Variants in ARHGEF3 observed in about 807,000 individuals in gnomAD.
ARHGEF3 encodes 59.8 kDA protein.
ARHGEF3 carries 28 observed loss-of-function variants against 63.2 expected under a neutral mutation model. That is an observed-to-expected ratio of 0.44 (90% confidence interval 0.33 to 0.61). The LOEUF (loss-of-function observed/expected upper bound fraction) is 0.61, where lower values mean the gene tolerates loss of function less well. ARHGEF3 is among the 20% of genes least tolerant of loss of function. The pLI is 0.03. For missense variants in ARHGEF3, 533 were observed against 659.3 expected (o/e 0.81, Z 2.10); for synonymous variants, 266 against 254.2 (o/e 1.05, Z -0.44).
chr3:56,889,289 C>T (rs1467004270), intron 3 of ARHGEF3, among the ~76,000 whole-genome samples: 2 of 152,172 alleles, frequency 1.3e-5, no homozygotes, highest in Non-Finnish European at 1.5e-5. Context: ...TGATCCTATC[C>T]TTACCCGACA....
chr3:56,912,875 C>G (rs775412346), intron 3 of ARHGEF3, among the ~76,000 whole-genome samples: 15 of 152,122 alleles, frequency 9.9e-5, no homozygotes, highest in African/African-American at 3.6e-4. Context: ...CAGTGGCCTG[C>G]GTCTATAATC....
rs140453243 is a variant in ARHGEF3, at chr3:57,069,080, G to A, written c.-28+10146C>T. Reference sequence around the variant, plus strand: ...TGGGATTACAGGCACTCACCACCACGTCTGGATAATTTTTGTATTTTTAGC... The same window carrying A: ...TGGGATTACAGGCACTCACCACCACATCTGGATAATTTTTGTATTTTTAGC... On this transcript the variant is annotated intron_variant, in intron 1 of 12. Transcript: ENST00000338458. 2.3e-3 allele frequency among the ~76,000 whole-genome samples: 351 copies of A among 152,014 alleles called. 2 individuals carry two copies. The highest frequency in any genetic ancestry group is 3.7e-3 in the Non-Finnish European group (252 of 67,980).
intron 1 of ARHGEF3, among the ~76,000 whole-genome samples, chr3:56,793,164 C>A (rs1256806026): frequency 6.9e-6 from 1 of 144,834 alleles, no homozygotes; most frequent in African/African-American, 2.5e-5. Context: ...CCACCAGGCC[C>A]AGATAATTTT....
chr3:56,859,262 C>T (rs112158350), intron 4 of ARHGEF3, among the ~76,000 whole-genome samples: 18 of 152,020 alleles, frequency 1.2e-4, no homozygotes, highest in Non-Finnish European at 1.8e-4. Flanking sequence ...CTCAGCCTCC[C>T]GAGTAGCTGG....
At chr3:56,760,210 A>G (rs1181670868) in intron 2 of ARHGEF3, among the ~76,000 whole-genome samples, 1 of 152,206 alleles carries the variant, frequency 6.6e-6, no homozygotes, top group Non-Finnish European at 1.5e-5. Context: ...TGACCTCCAA[A>G]TAGGCTATTC....
At chr3:57,010,850 C>A (rs74995887) in intron 2 of ARHGEF3, among the ~76,000 whole-genome samples, 1 of 152,114 alleles carries the variant, frequency 6.6e-6, no homozygotes, top group African/African-American at 2.4e-5. Context: ...ACATTTGGAC[C>A]CTTGTTCATC....
chr3:56,759,279 A>T (rs1246546268), intron 2 of ARHGEF3, among the ~76,000 whole-genome samples: 1 of 148,838 alleles, frequency 6.7e-6, no homozygotes, highest in Non-Finnish European at 1.5e-5. Context: ...TTGGGTTCAC[A>T]CCATTCTCCT....
chr3:56,950,007 C>T (rs1699721466), intron 3 of ARHGEF3, among the ~76,000 whole-genome samples: 1 of 151,968 alleles, frequency 6.6e-6, no homozygotes, highest in Non-Finnish European at 1.5e-5. Flanking sequence ...CTTTGACAAA[C>T]CTGACAAAAA....
chr3:56,888,103 CTTTTT>C (rs3034853), intron 3 of ARHGEF3, among the ~76,000 whole-genome samples: 1 of 142,970 alleles, frequency 7.0e-6, no homozygotes, highest in African/African-American at 2.6e-5. Flanking sequence ...CAAATAAGAG[CTTTTT>C]TTTTTTTTTT....
chr3:56,773,739 C>G lies in ARHGEF3; in HGVS notation c.174G>C (p.Thr58=), dbSNP rs769774704. 1.3e-6 allele frequency: 2 copies of G among 1,594,984 alleles called. No individual in the cohort carries two copies. Among genetic ancestry groups the G allele is most frequent in the Admixed American group, 3.7e-5 (2 of 54,750 alleles). ...GGGTTTGACTGAAGCGCTTTAATGG[C>G]GTGGCCTTCACGGGCGGGATGAGGT... The part of the protein sequence containing the change: ...LANLIPPVKA[T]PLKRFSQTLQ... The change falls in exon 2 of 10, where the codon ACG becomes ACC. Residue 58 remains threonine (T), a synonymous_variant. Transcript: ENST00000296315.
intron 4 of ARHGEF3, among the ~76,000 whole-genome samples, chr3:56,825,221 G>A (rs114579244): frequency 0.016 from 2,375 of 152,324 alleles, 30 homozygotes; most frequent in South Asian, 0.03. Context: ...CATGGTAAAC[G>A]TCAGCTAATA....
intron 1 of ARHGEF3, among the ~76,000 whole-genome samples, chr3:57,043,177 G>A (rs1023901370): frequency 2.8e-4 from 43 of 151,266 alleles, no homozygotes; most frequent in African/African-American, 9.0e-4. Context: ...GTGCAGTGGC[G>A]CGATCTCAGC....
At position 56,864,198 on chromosome 3, in the gene ARHGEF3, G is replaced by A. The variant is rs371224415; in HGVS notation, c.192+18094C>T. 6.6e-4 allele frequency among the ~76,000 whole-genome samples: 101 copies of A among 152,324 alleles called. 2 individuals are homozygous for A. In the South Asian group the frequency reaches 0.018, roughly 28 times the overall value. ...TCCTAGTGACTCCATACTGTTCTTA[G>A]TATAAAGATGCAAATCTTGGGCATA... On this transcript the variant is annotated intron_variant, in intron 4 of 12. Transcript: ENST00000338458.
intron 1 of ARHGEF3, among the ~76,000 whole-genome samples, chr3:57,053,515 TG>T (rs1340253238): frequency 1.3e-5 from 2 of 152,200 alleles, no homozygotes; most frequent in Admixed American, 6.5e-5. Context: ...TAAAGTAGTT[TG>T]CAACATCCAT....
At chr3:56,850,742 T>C (rs2039648720) in intron 4 of ARHGEF3, among the ~76,000 whole-genome samples, 2 of 152,202 alleles carry the variant, frequency 1.3e-5, no homozygotes, top group South Asian at 2.1e-4. Context: ...CAATTAAACA[T>C]CCATTCCAGG....
chr3:56,926,059 T>C (rs998113842), intron 3 of ARHGEF3, among the ~76,000 whole-genome samples: 2 of 152,202 alleles, frequency 1.3e-5, no homozygotes, highest in Admixed American at 1.3e-4. Context: ...CTGTACACAA[T>C]GCTCACTGCT....
At chr3:56,853,812 C>T (rs143340935) in intron 4 of ARHGEF3, among the ~76,000 whole-genome samples, 2 of 152,304 alleles carry the variant, frequency 1.3e-5, no homozygotes, top group African/African-American at 2.4e-5. Context: ...GGCACTTACA[C>T]GCCAAGTAAG....
chr3:56,925,862 TG>T (rs2042261828), intron 3 of ARHGEF3, among the ~76,000 whole-genome samples: 1 of 152,186 alleles, frequency 6.6e-6, no homozygotes, highest in Admixed American at 6.5e-5. Flanking sequence ...TGGAGGCTGG[TG>T]GTCCAATCTC....
At chr3:56,823,714 G>T (rs181997335) in intron 4 of ARHGEF3, among the ~76,000 whole-genome samples, 1 of 152,090 alleles carries the variant, frequency 6.6e-6, no homozygotes, top group African/African-American at 2.4e-5. Flanking sequence ...TAGACCCCAG[G>T]TTATTTTAAC....
Sources: allele counts gnomAD v4.1 joint callset (sites outside exome capture counted in the v4.1 genomes callset), GRCh38; gene constraint gnomAD v4.1.1; transcripts MANE v1.5; gene names NCBI Gene and HGNC (gene_info 2026-07-23, HGNC 2026-07-21).